Variants in CHST8 observed in about 807,000 individuals in gnomAD.
CHST8 encodes carbohydrate sulfotransferase 8, also known as GALNAC-4-ST1.
CHST8 carries 10 observed loss-of-function variants against 15.0 expected under a neutral mutation model. The observed-to-expected ratio is 0.67, with a 90% CI of 0.41 to 1.13. CHST8 has a LOEUF of 1.13. CHST8 is among the 50% of genes most tolerant of loss of function. The pLI, the probability that CHST8 is intolerant of heterozygous loss-of-function variation, is 0.00. For synonymous variants in CHST8, 259 were observed against 256.6 expected, an observed-to-expected ratio of 1.01 and a Z score of -0.09; for missense variants, 634 against 608.2, an observed-to-expected ratio of 1.04 and a Z score of -0.45.
At chr19:33,665,243 A>G (rs1299010854) in intron 1 of CHST8, among the ~76,000 whole-genome samples, 1 of 152,162 alleles carries the variant, frequency 6.6e-6, no homozygotes, top group Admixed American at 6.5e-5. Flanking sequence ...CCATATCCTT[A>G]CTAGCATCTG....
intron 3 of CHST8, among the ~76,000 whole-genome samples, chr19:33,767,408 C>A (rs180739473): frequency 6.6e-6 from 1 of 152,230 alleles, no homozygotes; most frequent in African/African-American, 2.4e-5. Context: ...CTGCCCCAAA[C>A]CCAGGCCTGA....
At chr19:33,703,241 G>A (rs778660326) in intron 3 of CHST8, among the ~76,000 whole-genome samples, 29 of 152,210 alleles carry the variant, frequency 1.9e-4, no homozygotes, top group Admixed American at 1.6e-3. Context: ...AGGGCCTGGA[G>A]ACATCCAGTG....
Position 33,659,996 on chromosome 19 carries a change from C to G in CHST8, c.-163-7771C>G, listed in dbSNP as rs187631636. On this transcript the variant is annotated intron_variant, in intron 1 of 4. Coordinates refer to ENST00000650847, the MANE Select transcript of CHST8 (RefSeq NM_001127895.2). ...ATCCTCCTGAAGCTTTTGGGGACCT[C>G]ACAACTGGGCCCTGGGCTCCACCAG... 5.9e-5 allele frequency among the ~76,000 whole-genome samples: 9 copies of G among 152,302 alleles called. 1 individual carries two copies. In the East Asian group the frequency reaches 1.5e-3, roughly 26 times the overall value.
chr19:33,708,098 GTTTA>G (rs1355972770), intron 3 of CHST8, among the ~76,000 whole-genome samples: 1 of 151,948 alleles, frequency 6.6e-6, no homozygotes, highest in East Asian at 1.9e-4. Flanking sequence ...TTAAAAATTG[GTTTA>G]TTTATCTTTT....
intron 3 of CHST8, among the ~76,000 whole-genome samples, chr19:33,733,689 T>A (rs1974033340): frequency 6.6e-6 from 1 of 152,234 alleles, no homozygotes; most frequent in Non-Finnish European, 1.5e-5. Context: ...ATTTCTTGTA[T>A]GGCATCCTAA....
rs1420126384 is a variant in CHST8 at position 33,641,848 on chromosome 19, A to G, written c.-164+19552A>G. Among the ~76,000 whole-genome samples, 3 of 152,260 alleles carry G rather than the reference A, an allele frequency of 2.0e-5. No homozygotes were observed. In the East Asian group the frequency reaches 5.8e-4, roughly 29 times the overall value. On this transcript the variant is annotated intron_variant, in intron 1 of 4. Coordinates refer to ENST00000650847, the MANE Select transcript of CHST8 (RefSeq NM_001127895.2). ...TTCCAGGGTGGCCAGGTATTCACAT[A>G]TTCAAGAACACAGGTCCATTTTTAT...
Position 33,651,114 on chromosome 19 carries a change from A to G in CHST8, c.-163-16653A>G, listed in dbSNP as rs116699926. 7.2e-3 allele frequency among the ~76,000 whole-genome samples: 1,090 copies of G among 152,206 alleles called. 17 individuals carry two copies. Among genetic ancestry groups the G allele is most frequent in the African/African-American group, 0.025 (1,030 of 41,508 alleles). On this transcript the variant is annotated intron_variant, in intron 1 of 4. Coordinates refer to ENST00000650847, the MANE Select transcript of CHST8 (RefSeq NM_001127895.2). ...AAGTTTTCAATTTTGATAAAATCCA[A>G]TTTCTCTTATTTTTATTTGTATTGC... is the stretch of plus-strand genomic sequence containing the variant.
At chr19:33,771,218 G>T (rs1235680414) in intron 3 of CHST8, among the ~76,000 whole-genome samples, 195 bp from the exon 4 acceptor site, 1 of 152,164 alleles carries the variant, frequency 6.6e-6, no homozygotes, top group Non-Finnish European at 1.5e-5. Context: ...CCACATGTTT[G>T]CTGCGTCCCC....
intron 3 of CHST8, among the ~76,000 whole-genome samples, chr19:33,714,481 T>C (rs962340848): frequency 1.3e-5 from 2 of 152,050 alleles, no homozygotes; most frequent in African/African-American, 2.4e-5. Flanking sequence ...ATGATAGACA[T>C]TGGAGACTCA....
intron 1 of CHST8, among the ~76,000 whole-genome samples, chr19:33,642,499 A>T (rs993665872): frequency 2.0e-5 from 3 of 151,956 alleles, no homozygotes; most frequent in African/African-American, 7.3e-5. Context: ...AGTAGCTGGG[A>T]TTACAGACAC....
At chr19:33,731,714 C>G (rs1973996989) in intron 3 of CHST8, among the ~76,000 whole-genome samples, 1 of 152,166 alleles carries the variant, frequency 6.6e-6, no homozygotes, top group Non-Finnish European at 1.5e-5. Context: ...ACGCCTTTGA[C>G]AGATGTGTTT....
At position 33,640,236 on chromosome 19, in the gene CHST8, C is replaced by T. The variant is rs139072533; in HGVS notation, c.-164+17940C>T. 7.2e-5 allele frequency among the ~76,000 whole-genome samples: 11 copies of T among 152,030 alleles called. No homozygotes were observed. In the East Asian group the frequency reaches 1.5e-3, roughly 21 times the overall value. ...TGACCACGGCCAGGATCTAGCACCA[C>T]GTGACTCCTTGCCACAAGGAACTGG... On this transcript the variant is annotated intron_variant, in intron 1 of 4. Coordinates refer to ENST00000650847, the MANE Select transcript of CHST8 (RefSeq NM_001127895.2).
At chr19:33,685,350 G>A (rs1243952275) in intron 2 of CHST8, among the ~76,000 whole-genome samples, 1 of 149,922 alleles carries the variant, frequency 6.7e-6, no homozygotes, top group African/African-American at 2.4e-5. Flanking sequence ...AAGATTAATT[G>A]GATCTTTTTT....
At chr19:33,623,720 C>G (rs1291576332) in intron 1 of CHST8, among the ~76,000 whole-genome samples, 1 of 152,184 alleles carries the variant, frequency 6.6e-6, no homozygotes, top group African/African-American at 2.4e-5. Context: ...TTCCAGCTGT[C>G]ATGACCTTTC....
At chr19:33,708,814 T>C (rs1973493765) in intron 3 of CHST8, among the ~76,000 whole-genome samples, 1 of 152,224 alleles carries the variant, frequency 6.6e-6, no homozygotes, top group Non-Finnish European at 1.5e-5. Flanking sequence ...AATAATAAAC[T>C]TGAGAGAATT....
chr19:33,637,269 C>T (rs1408391420), intron 1 of CHST8, among the ~76,000 whole-genome samples: 2 of 152,160 alleles, frequency 1.3e-5, no homozygotes, highest in Non-Finnish European at 2.9e-5. Context: ...ATGCCTTGAC[C>T]ATCTGGGAAT....
At position 33,639,057 on chromosome 19, in the gene CHST8, A is replaced by G. The variant is rs1319508194; in HGVS notation, c.-164+16761A>G. Among the ~76,000 whole-genome samples the G allele has an allele frequency of 2.1e-5, 3 of 141,482 alleles. No individual in the cohort carries two copies. In the East Asian group the frequency reaches 6.7e-4, roughly 32 times the overall value. 92.8% of individuals were successfully genotyped at this position (141,482 alleles called of 152,430 possible). A position where few individuals can be genotyped will look rare whatever the true frequency, so the allele number is the denominator to read the frequency against. ...TTGCAGGTGACAGGAGCCTCTCTCCAGTCCTAGCACACAGCAGGTGATCCT... is the reference window on the plus strand; with the variant it reads ...TTGCAGGTGACAGGAGCCTCTCTCCGGTCCTAGCACACAGCAGGTGATCCT... On this transcript the variant is annotated intron_variant, in intron 1 of 4. Coordinates refer to ENST00000650847, the MANE Select transcript of CHST8 (RefSeq NM_001127895.2).
intron 2 of CHST8, among the ~76,000 whole-genome samples, chr19:33,669,697 G>T (rs1972710877): frequency 6.6e-6 from 1 of 152,182 alleles, no homozygotes; most frequent in Non-Finnish European, 1.5e-5. Flanking sequence ...ACTTGGCAAA[G>T]AAACTGTGAA....
At chr19:33,660,733 A>C (rs1801741115) in intron 1 of CHST8, among the ~76,000 whole-genome samples, 1 of 152,220 alleles carries the variant, frequency 6.6e-6, no homozygotes, top group Non-Finnish European at 1.5e-5. Context: ...CCTCCTTTCA[A>C]TTTCAGTTTG....
Sources: allele counts gnomAD v4.1 joint callset (sites outside exome capture counted in the v4.1 genomes callset), GRCh38; gene constraint gnomAD v4.1.1; transcripts MANE v1.5; gene names NCBI Gene and HGNC (gene_info 2026-07-23, HGNC 2026-07-21).